The following ATG2B variants were observed in gnomAD, a reference collection of about 807,000 sequenced individuals.
ATG2B encodes the protein autophagy-related protein 2 homolog B.
Under a neutral mutation model 241.3 loss-of-function variants are expected in ATG2B, and 121 were observed. The observed-to-expected ratio is 0.50, with a 90% CI of 0.43 to 0.58. ATG2B has a LOEUF of 0.58. Among genes scored for constraint, ATG2B ranks in the 20% least tolerant of loss-of-function variants. The pLI is 0.00. For missense variants in ATG2B, 2,306 were observed against 2,491.6 expected (o/e 0.93, Z 1.59); for synonymous variants, 858 against 876.6 (o/e 0.98, Z 0.37).
intron 18 of ATG2B, chr14:96,318,225 A>G (rs1887367074): frequency 1.3e-5 from 2 of 159,710 alleles, no homozygotes; most frequent in South Asian, 1.8e-4. Flanking sequence ...GAAAAGGAGG[A>G]CGGCTCACCT....
chr14:96,332,424 T>C lies in ATG2B; in HGVS notation c.1363-14A>G. ...AGTGGGCTGAAGCTATAAAAGATTT[T>C]TTTTAAGCACATGAATGAAGTGTAG... On this transcript the variant is annotated splice_polypyrimidine_tract_variant and intron_variant, in intron 9 of 41. Transcript: ENST00000359933. The C allele has an allele frequency of 6.2e-7, 1 of 1,613,326 alleles. No individual in the cohort carries two copies. Among genetic ancestry groups the C allele is most frequent in the East Asian group, 2.2e-5 (1 of 44,856 alleles).
At position 96,290,870 on chromosome 14, in the gene ATG2B, T is replaced by C; in HGVS notation, c.5645A>G (p.Asn1882Ser). The change falls in exon 39 of 42, where the codon AAC becomes AGC. Residue 1882 changes from asparagine to serine, a missense_variant. Asn to Ser is a conservative substitution (Grantham distance 46). Coordinates refer to ENST00000359933, the MANE Select transcript of ATG2B (RefSeq NM_018036.7). The surrounding 1 kb of genome is among the most constrained non-coding windows in gnomAD (Gnocchi z 4.4). The stretch of plus-strand genomic sequence containing the variant: ...ACCTCCCAGGATTCCTGGTAGCTGG[T>C]TCTTCTTAATGTCATTAAGCCACTC... ...ITEWLNDIKK[N>S]QLPGILGGVG... The C allele has an allele frequency of 6.2e-7, 1 of 1,614,040 alleles. No individual in the cohort carries two copies. Among genetic ancestry groups the C allele is most frequent in the Non-Finnish European group, 8.5e-7 (1 of 1,179,924 alleles).
At chr14:96,297,866 A>ACTGCAGCCTCCAC (rs1374769814) in intron 34 of ATG2B, among the ~76,000 whole-genome samples, 2 of 152,040 alleles carry the variant, frequency 1.3e-5, no homozygotes, top group Non-Finnish European at 2.9e-5. Context: ...ATCATGGCTC[A>ACTGCAGCCTCCAC]CTGCAGCCTC....
chr14:96,305,325 G>A (rs1417082403), intron 31 of ATG2B, among the ~76,000 whole-genome samples: 1 of 152,042 alleles, frequency 6.6e-6, no homozygotes, highest in African/African-American at 2.4e-5. Flanking sequence ...ATAGGTACAT[G>A]GTAGATACCT....
chr14:96,281,661 A>AT lies in ATG2B; in HGVS notation c.*4093dup, dbSNP rs1886202953. On this transcript the variant is annotated 3_prime_UTR_variant, in exon 42 of 42. Transcript: ENST00000359933. ...ACAAGTGAAACAGTGAAGTAAACAT[A>AT]TTTTTAGAGGGAGGTGCTGCTACCC... 1 of 152,222 alleles carries AT rather than the reference A, an allele frequency of 6.6e-6. No individual in the cohort carries two copies. The highest frequency in any genetic ancestry group is 2.4e-5 in the African/African-American group (1 of 41,458). The allele number at this position is 152,222 out of a possible 1,614,324, so 9.4% of individuals were successfully genotyped here.
At chr14:96,351,194 GC>G (rs1318903795) in intron 1 of ATG2B, among the ~76,000 whole-genome samples, 3 of 152,178 alleles carry the variant, frequency 2.0e-5, no homozygotes, top group Admixed American at 2.0e-4. Flanking sequence ...TAAAATGTGT[GC>G]CGAGCCCTGC....
intron 28 of ATG2B, among the ~76,000 whole-genome samples, chr14:96,309,901 A>G (rs1014350490): frequency 3.3e-5 from 5 of 152,200 alleles, no homozygotes; most frequent in Non-Finnish European, 7.3e-5. Flanking sequence ...GAAAGAAGGG[A>G]TAACTAAATA....
At chr14:96,306,260 A>G (rs199881415) in intron 30 of ATG2B, among the ~76,000 whole-genome samples, 1 of 152,318 alleles carries the variant, frequency 6.6e-6, no homozygotes, top group East Asian at 1.9e-4. Context: ...TTTGTAAACA[A>G]ATACGGTCAC....
At position 96,283,076 on chromosome 14, in the gene ATG2B, C is replaced by CG. The variant is rs1041551139; in HGVS notation, c.*2678dup. 2 of 152,172 alleles carry CG rather than the reference C, an allele frequency of 1.3e-5. No homozygotes were observed. Among genetic ancestry groups the CG allele is most frequent in the African/African-American group, 4.8e-5 (2 of 41,438 alleles). The allele number at this position is 152,172 out of a possible 1,614,324, so 9.4% of individuals were successfully genotyped here. A position where few individuals can be genotyped will look rare whatever the true frequency, so the allele number is the denominator to read the frequency against. ...GTGGTGGGCAGAAAGGAAGAGAAAA[C>CG]GGGGGGTTCCGAGTTAGCTCCATTC... is the stretch of plus-strand genomic sequence containing the variant. On this transcript the variant is annotated 3_prime_UTR_variant, in exon 42 of 42. Coordinates refer to ENST00000359933, the MANE Select transcript of ATG2B (RefSeq NM_018036.7).
chr14:96,294,583 AAGAC>A (rs1412465434), intron 36 of ATG2B, among the ~76,000 whole-genome samples: 2 of 152,230 alleles, frequency 1.3e-5, no homozygotes, highest in African/African-American at 4.8e-5. Flanking sequence ...CACAAGGGAA[AAGAC>A]AGACAGGCAT....
intron 33 of ATG2B, among the ~76,000 whole-genome samples, chr14:96,302,337 A>G (rs1167659590): frequency 6.6e-6 from 1 of 152,072 alleles, no homozygotes; most frequent in Non-Finnish European, 1.5e-5. Flanking sequence ...TAATCTCAAC[A>G]CTTTGGGAGG....
Position 96,363,254 on chromosome 14 carries a change from G to A in ATG2B, c.-278C>T, listed in dbSNP as rs922585629. The A allele has an allele frequency of 2.7e-5, 10 of 372,186 alleles. No individual in the cohort carries two copies. The highest frequency in any genetic ancestry group is 5.0e-5 in the Admixed American group (1 of 19,984). The allele number at this position is 372,186 out of a possible 1,614,324, so 23.1% of individuals were successfully genotyped here. On this transcript the variant is annotated 5_prime_UTR_variant, in exon 1 of 42. Coordinates refer to ENST00000359933, the MANE Select transcript of ATG2B (RefSeq NM_018036.7). ...GCTCGGAGAGAGTGCAAGAGAGCGC[G>A]AGAGGAGGCGGCAGGGGCTGAGGCA...
At position 96,281,419 on chromosome 14, in the gene ATG2B, T is replaced by A. The variant is rs1048669101; in HGVS notation, c.*4336A>T. 6.6e-6 allele frequency: 1 copy of A among 152,228 alleles called. No individual in the cohort carries two copies. The highest frequency in any genetic ancestry group is 1.5e-5 in the Non-Finnish European group (1 of 68,038). The allele number at this position is 152,228 out of a possible 1,614,324, so 9.4% of individuals were successfully genotyped here. A position where few individuals can be genotyped will look rare whatever the true frequency, so the allele number is the denominator to read the frequency against. On this transcript the variant is annotated 3_prime_UTR_variant, in exon 42 of 42. Coordinates refer to ENST00000359933, the MANE Select transcript of ATG2B (RefSeq NM_018036.7). Reference sequence around the variant, plus strand: ...CATAATTAGGAAAAATTAGGAAACTTAGCAAAGACAGTCAATACACATGTT... The same window carrying A: ...CATAATTAGGAAAAATTAGGAAACTAAGCAAAGACAGTCAATACACATGTT...
intron 1 of ATG2B, among the ~76,000 whole-genome samples, chr14:96,352,539 T>C (rs991977766): frequency 8.6e-5 from 13 of 152,038 alleles, no homozygotes; most frequent in Admixed American, 3.3e-4. Flanking sequence ...GGTGGTGACA[T>C]TGATGATCCT....
chr14:96,310,405 G>A (rs983643228), intron 28 of ATG2B, among the ~76,000 whole-genome samples: 1 of 152,142 alleles, frequency 6.6e-6, no homozygotes, highest in Non-Finnish European at 1.5e-5. Context: ...TAAGGGGACT[G>A]AGATTTCTGT....
chr14:96,296,005 G>A (rs1886630400), intron 34 of ATG2B, among the ~76,000 whole-genome samples: 1 of 152,094 alleles, frequency 6.6e-6, no homozygotes, highest in Non-Finnish European at 1.5e-5. Context: ...CCAGGCTGGA[G>A]TGCAGTGGCA....
At chr14:96,355,599 A>T (rs914167652) in intron 1 of ATG2B, among the ~76,000 whole-genome samples, 1 of 152,190 alleles carries the variant, frequency 6.6e-6, no homozygotes, top group Non-Finnish European at 1.5e-5. Context: ...ATGAGGTAAT[A>T]TATGTAAAAC....
At position 96,313,137 on chromosome 14, in the gene ATG2B, C is replaced by T. The variant is rs149230704; in HGVS notation, c.3770G>A (p.Arg1257Gln). Residue 1257 changes from arginine (R) to glutamine (Q), a missense_variant, in exon 25 of 42, where the codon CGA becomes CAA. By Grantham distance (43) the Arg-to-Gln change is conservative (BLOSUM62 1). Transcript: ENST00000359933. The stretch of plus-strand genomic sequence containing the variant: ...GAATGTTTCCACGGTAAGAAGAGAT[C>T]GGATTGGCAAATAAAGGGGTCTAAT... ...LDYRPLYLPI[R>Q]SLLTVETFSV... 66 of 1,613,118 alleles carry T rather than the reference C, an allele frequency of 4.1e-5. No homozygotes were observed. Among genetic ancestry groups the T allele is most frequent in the African/African-American group, 5.3e-5 (4 of 74,942 alleles).
chr14:96,291,833 A>C, intron 37 of ATG2B, 151 bp from the exon 38 acceptor site: 1 of 617,692 alleles, frequency 1.6e-6, no homozygotes, highest in Non-Finnish European at 2.7e-6. Context: ...CTTACAATAC[A>C]TATGACCCAA....
Sources: allele counts gnomAD v4.1 joint callset (sites outside exome capture counted in the v4.1 genomes callset), GRCh38; gene constraint gnomAD v4.1.1; non-coding constraint Gnocchi (gnomAD v3.1); transcripts MANE v1.5; gene names NCBI Gene and HGNC (gene_info 2026-07-23, HGNC 2026-07-21).